OPRD1: variants seen among roughly 807,000 people sequenced by gnomAD.
The protein encoded by OPRD1 is opioid receptor delta 1, also known as delta-type opioid receptor.
Under a neutral mutation model 17.5 loss-of-function variants are expected in OPRD1, and 19 were observed. That is an observed-to-expected ratio of 1.09 (90% CI 0.76 to 1.60). The LOEUF is 1.60. OPRD1 is among the 40% of genes most tolerant of loss of function. OPRD1 has a pLI of 0.00. For missense variants in OPRD1, 483 were observed against 547.2 expected, an observed-to-expected ratio of 0.88 and a Z score of 1.17; for synonymous variants, 256 against 240.9, an observed-to-expected ratio of 1.06 and a Z score of -0.58.
chr1:28,818,505 G>A (rs1224870405), intron 1 of OPRD1, among the ~76,000 whole-genome samples: 2 of 152,192 alleles, frequency 1.3e-5, no homozygotes, highest in Non-Finnish European at 2.9e-5. Flanking sequence ...CTGGAGAGGT[G>A]TGAGTGGAGC....
intron 1 of OPRD1, among the ~76,000 whole-genome samples, chr1:28,833,563 T>A (rs2088825165): frequency 6.6e-6 from 1 of 152,088 alleles, no homozygotes; most frequent in Admixed American, 6.6e-5. Context: ...TCAAGGATAA[T>A]CTCCTTAAAG....
chr1:28,835,998 C>T (rs563488448), intron 1 of OPRD1, among the ~76,000 whole-genome samples: 53 of 152,280 alleles, frequency 3.5e-4, no homozygotes, highest in African/African-American at 1.3e-3. Flanking sequence ...GAGACTGGCA[C>T]ATAGTGAGCG....
intron 1 of OPRD1, among the ~76,000 whole-genome samples, chr1:28,826,170 C>T (rs1445564476): frequency 1.3e-5 from 2 of 152,154 alleles, no homozygotes; most frequent in African/African-American, 4.8e-5. Context: ...CAGACCACTG[C>T]AATAAAGCAA....
Position 28,846,632 on chromosome 1 carries a change from G to A in OPRD1, c.228-12322G>A, listed in dbSNP as rs368435641. Among the ~76,000 whole-genome samples, 52 of 150,742 alleles carry A rather than the reference G, an allele frequency of 3.4e-4. 1 individual carries two copies. In the East Asian group the frequency reaches 6.9e-3, roughly 20 times the overall value. Reference sequence around the variant, plus strand: ...CAGGAGGTGGAGGTTGCAGTGAGCCGAGATTACAGCACTGCACTCCAGCCT... The same window carrying A: ...CAGGAGGTGGAGGTTGCAGTGAGCCAAGATTACAGCACTGCACTCCAGCCT... On this transcript the variant is annotated intron_variant, in intron 1 of 2. Coordinates refer to ENST00000234961, the MANE Select transcript of OPRD1 (RefSeq NM_000911.4).
intron 1 of OPRD1, among the ~76,000 whole-genome samples, chr1:28,850,733 T>C (rs1451004520): frequency 6.6e-6 from 1 of 151,218 alleles, no homozygotes; most frequent in Admixed American, 6.6e-5. Flanking sequence ...CAGTGAGCTG[T>C]GATCACACGA....
At chr1:28,841,787 C>T (rs936323008) in intron 1 of OPRD1, among the ~76,000 whole-genome samples, 1 of 151,830 alleles carries the variant, frequency 6.6e-6, no homozygotes, top group African/African-American at 2.4e-5. Context: ...GATCTCAGCT[C>T]ACTGCAGCCT....
At chr1:28,839,410 CA>C (rs1485616474) in intron 1 of OPRD1, among the ~76,000 whole-genome samples, 1 of 152,166 alleles carries the variant, frequency 6.6e-6, no homozygotes, top group African/African-American at 2.4e-5. Flanking sequence ...ATTATGACTG[CA>C]AATGATTTTG....
chr1:28,862,621 C>T, intron 2 of OPRD1, 121 bp from the exon 3 acceptor site: 1 of 894,174 alleles, frequency 1.1e-6, no homozygotes, highest in East Asian at 2.7e-5. Context: ...TCCCCTTGAA[C>T]AAAGGCTGGG....
intron 1 of OPRD1, among the ~76,000 whole-genome samples, chr1:28,837,474 C>G (rs2088862274): frequency 6.6e-6 from 1 of 151,838 alleles, no homozygotes; most frequent in African/African-American, 2.4e-5. Context: ...ATCATGAAAC[C>G]CTGTCTCTAC....
At chr1:28,814,499 T>C (rs1259533017) in intron 1 of OPRD1, among the ~76,000 whole-genome samples, 1 of 152,200 alleles carries the variant, frequency 6.6e-6, no homozygotes, top group Non-Finnish European at 1.5e-5. Context: ...GTAGCTGTGA[T>C]TCTGAGAGCT....
intron 1 of OPRD1, among the ~76,000 whole-genome samples, chr1:28,846,866 CT>C (rs376555355): frequency 2.2e-4 from 12 of 54,480 alleles, no homozygotes; most frequent in Non-Finnish European, 5.1e-5. Flanking sequence ...TTCTTTCTTT[CT>C]TTCTTTCTTT....
intron 1 of OPRD1, among the ~76,000 whole-genome samples, chr1:28,829,061 T>C (rs145153938): frequency 6.6e-6 from 1 of 152,072 alleles, no homozygotes; most frequent in East Asian, 1.9e-4. Context: ...CACTGACTTC[T>C]CTCTAGGAAT....
At chr1:28,847,132 A>C (rs1196621089) in intron 1 of OPRD1, among the ~76,000 whole-genome samples, 6 of 149,960 alleles carry the variant, frequency 4.0e-5, no homozygotes, top group Non-Finnish European at 8.9e-5. Context: ...GCTCACTGCA[A>C]CCTCTGCCTC....
intron 1 of OPRD1, among the ~76,000 whole-genome samples, chr1:28,829,834 G>A (rs556913934): frequency 1.1e-4 from 17 of 152,112 alleles, no homozygotes; most frequent in African/African-American, 3.9e-4. Context: ...CTCAGCCTCC[G>A]AAGTAGCTGG....
chr1:28,813,391 C>G (rs2088648567), intron 1 of OPRD1, among the ~76,000 whole-genome samples: 1 of 152,198 alleles, frequency 6.6e-6, no homozygotes, highest in Non-Finnish European at 1.5e-5. Flanking sequence ...AGAGAAGACT[C>G]ACGCCCTCCT....
chr1:28,859,233 C>T lies in OPRD1; in HGVS notation c.507C>T (p.Asn169=), dbSNP rs1030678302. The change falls in exon 2 of 3, where the codon AAC becomes AAT. Residue 169 remains asparagine, a synonymous_variant. Coordinates refer to ENST00000234961, the MANE Select transcript of OPRD1 (RefSeq NM_000911.4). The part of the protein sequence containing the change: ...FRTPAKAKLI[N]ICIWVLASGV... ...CGCCTGCCAAGGCCAAGCTGATCAA[C>T]ATCTGTATCTGGGTCCTGGCCTCAG... 7 of 1,614,126 alleles carry T rather than the reference C, an allele frequency of 4.3e-6. No individual in the cohort carries two copies. The highest frequency in any genetic ancestry group is 1.1e-5 in the South Asian group (1 of 91,096).
chr1:28,863,439 C>T lies in OPRD1; in HGVS notation c.*156C>T, dbSNP rs2089145639. 2 of 838,074 alleles carry T rather than the reference C, an allele frequency of 2.4e-6. No homozygotes were observed. The highest frequency in any genetic ancestry group is 3.2e-5 in the East Asian group (1 of 31,456). The allele number at this position is 838,074 out of a possible 1,614,324, so 51.9% of individuals were successfully genotyped here. ...CTCTGTTTCGGAGACGGGACCGGGC[C>T]GCTAGATGGGCATGGGGTGGGCCTC... is the stretch of plus-strand genomic sequence containing the variant. On this transcript the variant is annotated 3_prime_UTR_variant, in exon 3 of 3. Coordinates refer to ENST00000234961, the MANE Select transcript of OPRD1 (RefSeq NM_000911.4).
In OPRD1 at chr1:28,864,506, G is replaced by C. The variant is rs2089155576; in HGVS notation, c.*1223G>C. The stretch of plus-strand genomic sequence containing the variant: ...AACTGAGTACTAATGGGGGCCCAGA[G>C]GCTTGGGAAGGAGAAGGCTTCCAAA... On this transcript the variant is annotated 3_prime_UTR_variant, in exon 3 of 3. Coordinates refer to ENST00000234961, the MANE Select transcript of OPRD1 (RefSeq NM_000911.4). The C allele has an allele frequency of 1.3e-5, 2 of 151,980 alleles. No individual in the cohort carries two copies. The highest frequency in any genetic ancestry group is 1.3e-4 in the Admixed American group (2 of 15,244). The allele number at this position is 151,980 out of a possible 1,614,324, so 9.4% of individuals were successfully genotyped here. A position where few individuals can be genotyped will look rare whatever the true frequency, so the allele number is the denominator to read the frequency against.
At chr1:28,828,193 C>G (rs1569614628) in intron 1 of OPRD1, among the ~76,000 whole-genome samples, 1 of 152,260 alleles carries the variant, frequency 6.6e-6, no homozygotes. Flanking sequence ...ATTCCTTGAT[C>G]CGTGGGCTAC....
Sources: gnomAD v4.1 joint callset for allele counts (sites outside exome capture counted in the v4.1 genomes callset) on GRCh38, gnomAD v4.1.1 for gene constraint, MANE v1.5 for transcripts, NCBI Gene and HGNC (gene_info 2026-07-23, HGNC 2026-07-21) for gene names.